Variants in LMX1B observed in about 807,000 individuals in gnomAD.
LMX1B encodes LIM homeobox transcription factor 1 beta, also known as LIM homeobox transcription factor 1-beta.
Under a neutral mutation model 51.4 loss-of-function variants are expected in LMX1B, and 12 were observed. That is an observed-to-expected ratio of 0.23 (90% CI 0.15 to 0.38). LMX1B has a LOEUF of 0.38. Among genes scored for constraint, LMX1B ranks in the 10% least tolerant of loss-of-function variants. The pLI is 1.00. For synonymous variants in LMX1B, 237 were observed against 235.4 expected, an observed-to-expected ratio of 1.01 and a Z score of -0.06; for missense variants, 445 against 571.1, an observed-to-expected ratio of 0.78 and a Z score of 2.25.
At chr9:126,662,860 C>G (rs1286217165) in intron 2 of LMX1B, among the ~76,000 whole-genome samples, 1 of 152,234 alleles carries the variant, frequency 6.6e-6, no homozygotes, top group African/African-American at 2.4e-5. Flanking sequence ...ATATAGGGAG[C>G]CTGGTGCCCT....
chr9:126,672,971 G>A (rs1028515277), intron 2 of LMX1B, among the ~76,000 whole-genome samples: 24 of 152,216 alleles, frequency 1.6e-4, no homozygotes, highest in African/African-American at 4.8e-5. Context: ...GCCTCTCGCC[G>A]CCCACCTGTG....
At chr9:126,621,020 T>C (rs1038973045) in intron 2 of LMX1B, among the ~76,000 whole-genome samples, 14 of 152,274 alleles carry the variant, frequency 9.2e-5, no homozygotes, top group Admixed American at 9.2e-4. Flanking sequence ...TCTGTGGCCT[T>C]GTGAGGTTTC....
chr9:126,677,467 A>G lies in LMX1B; in HGVS notation c.327-13369A>G, dbSNP rs923952916. Among the ~76,000 whole-genome samples, 1 of 152,212 alleles carries G rather than the reference A, an allele frequency of 6.6e-6. No homozygotes were observed. Among genetic ancestry groups the G allele is most frequent in the Non-Finnish European group, 1.5e-5 (1 of 68,044 alleles). Reference sequence around the variant, plus strand: ...AACAGGTCACTGGCTAGAAGCAGGTATCAGGCTCCCAAATCTCTGGGTCAT... The same window carrying G: ...AACAGGTCACTGGCTAGAAGCAGGTGTCAGGCTCCCAAATCTCTGGGTCAT... On this transcript the variant is annotated intron_variant, in intron 2 of 7. Transcript: ENST00000373474. The surrounding 1 kb of genome is among the most constrained non-coding windows in gnomAD (Gnocchi z 5.0).
chr9:126,661,176 C>T (rs892234218), intron 2 of LMX1B, among the ~76,000 whole-genome samples: 5 of 152,104 alleles, frequency 3.3e-5, no homozygotes, highest in Non-Finnish European at 5.9e-5. Flanking sequence ...TGACACAGGG[C>T]GACCCCTCAA....
chr9:126,652,934 G>T (rs117306147), intron 2 of LMX1B, among the ~76,000 whole-genome samples: 7 of 152,240 alleles, frequency 4.6e-5, no homozygotes, highest in Admixed American at 2.0e-4. Flanking sequence ...GCCAAGGCAC[G>T]GGCCAGATCA....
At chr9:126,666,587 T>C (rs1462424327) in intron 2 of LMX1B, among the ~76,000 whole-genome samples, 2 of 152,132 alleles carry the variant, frequency 1.3e-5, no homozygotes, top group African/African-American at 2.4e-5. Flanking sequence ...ATGCTAATAA[T>C]AACCTCACTG....
At position 126,673,344 on chromosome 9, in the gene LMX1B, C is replaced by T. The variant is rs1836494031; in HGVS notation, c.327-17492C>T. 6.6e-6 allele frequency among the ~76,000 whole-genome samples: 1 copy of T among 152,116 alleles called. No individual in the cohort carries two copies. Among genetic ancestry groups the T allele is most frequent in the African/African-American group, 2.4e-5 (1 of 41,412 alleles). ...CTCTGCGTGCTGCTGGCTGGACTTC[C>T]TGGGCGTCTGACACACCAGGCCCCA... On this transcript the variant is annotated intron_variant, in intron 2 of 7. Transcript: ENST00000373474. The surrounding 1 kb of genome is among the most constrained non-coding windows in gnomAD (Gnocchi z 4.4).
At chr9:126,617,306 T>C (rs1206201389) in intron 2 of LMX1B, among the ~76,000 whole-genome samples, 1 of 151,592 alleles carries the variant, frequency 6.6e-6, no homozygotes, top group Non-Finnish European at 1.5e-5. Context: ...TACACCCAGC[T>C]CAGCCACCAG....
At chr9:126,675,035 A>G (rs1344706675) in intron 2 of LMX1B, among the ~76,000 whole-genome samples, 1 of 152,232 alleles carries the variant, frequency 6.6e-6, no homozygotes, top group Non-Finnish European at 1.5e-5. Context: ...AGGCAGCTGT[A>G]AAATCAGGTG....
chr9:126,653,105 C>T (rs1836051383), intron 2 of LMX1B, among the ~76,000 whole-genome samples: 1 of 150,922 alleles, frequency 6.6e-6, no homozygotes, highest in Admixed American at 6.6e-5. Flanking sequence ...AACCCAAACC[C>T]ATTCCCCTCT....
chr9:126,614,710 G>A (rs2118820302), intron 1 of LMX1B, 122 bp downstream of exon 1: 1 of 1,116,482 alleles, frequency 9.0e-7, no homozygotes, highest in Non-Finnish European at 1.2e-6. Context: ...TGGGGAGGAG[G>A]CAGAGACAGG....
In LMX1B at chr9:126,641,333, A is replaced by G. The variant is rs751649574; in HGVS notation, c.326+25764A>G. The G allele has an allele frequency of 1.3e-5, 2 of 152,238 alleles. No homozygotes were observed. Among genetic ancestry groups the G allele is most frequent in the Non-Finnish European group, 2.9e-5 (2 of 68,050 alleles). 9.4% of individuals were successfully genotyped at this position (152,238 alleles called of 1,614,324 possible). A position where few individuals can be genotyped will look rare whatever the true frequency, so the allele number is the denominator to read the frequency against. On this transcript the variant is annotated intron_variant, in intron 2 of 7. Coordinates refer to ENST00000373474, the MANE Select transcript of LMX1B (RefSeq NM_001174147.2). The surrounding 1 kb of genome is among the most constrained non-coding windows in gnomAD (Gnocchi z 4.1). ...TGAGCACTGTACTAAGTGCCTTGCA[A>G]CCATCATCTCTCTGCATCCTCAGGA... is the stretch of plus-strand genomic sequence containing the variant.
At chr9:126,639,745 G>A (rs1564151754) in intron 2 of LMX1B, among the ~76,000 whole-genome samples, 1 of 152,202 alleles carries the variant, frequency 6.6e-6, no homozygotes, top group Non-Finnish European at 1.5e-5. Context: ...AGAGGCCCAG[G>A]ATAGTCAAAT....
At chr9:126,676,772 G>A (rs1458563535) in intron 2 of LMX1B, among the ~76,000 whole-genome samples, 1 of 152,184 alleles carries the variant, frequency 6.6e-6, no homozygotes, top group Non-Finnish European at 1.5e-5. Flanking sequence ...GGTGGGGTCC[G>A]CAGATCCCCA....
intron 2 of LMX1B, among the ~76,000 whole-genome samples, chr9:126,665,147 G>A (rs1755215417): frequency 6.6e-6 from 1 of 152,228 alleles, no homozygotes; most frequent in Non-Finnish European, 1.5e-5. Context: ...TGGAGGTGGG[G>A]TGTTCCTCCA....
At chr9:126,653,697 C>T (rs1836062558) in intron 2 of LMX1B, among the ~76,000 whole-genome samples, 1 of 152,116 alleles carries the variant, frequency 6.6e-6, no homozygotes, top group Non-Finnish European at 1.5e-5. Context: ...CCGGATCTGC[C>T]CCCACAGGAT....
chr9:126,646,156 C>G (rs2118891989), intron 2 of LMX1B, among the ~76,000 whole-genome samples: 1 of 152,300 alleles, frequency 6.6e-6, no homozygotes, highest in African/African-American at 2.4e-5. Flanking sequence ...TTCCTCCTCT[C>G]AGAAAACCTG....
chr9:126,626,803 T>C lies in LMX1B; in HGVS notation c.326+11234T>C, dbSNP rs1232716497. ...CCACCCCCAGCCCCGCGGCGGTGAT[T>C]TGTGTGCGGGGGTCTGTGACCCTGC... On this transcript the variant is annotated intron_variant, in intron 2 of 7. Coordinates refer to ENST00000373474, the MANE Select transcript of LMX1B (RefSeq NM_001174147.2). This position sits in a 1 kb window ranked among gnomAD's most constrained non-coding sequence, Gnocchi z 4.3. 6.6e-6 allele frequency among the ~76,000 whole-genome samples: 1 copy of C among 151,988 alleles called. No individual in the cohort carries two copies. The highest frequency in any genetic ancestry group is 1.5e-5 in the Non-Finnish European group (1 of 67,972).
At chr9:126,638,625 C>T (rs1260067426) in intron 2 of LMX1B, among the ~76,000 whole-genome samples, 1 of 152,208 alleles carries the variant, frequency 6.6e-6, no homozygotes, top group Non-Finnish European at 1.5e-5. Context: ...GTTCTCGGCT[C>T]TCGGGGGAGA....
Sources: gnomAD v4.1 joint callset for allele counts (sites outside exome capture counted in the v4.1 genomes callset) on GRCh38, gnomAD v4.1.1 for gene constraint, Gnocchi (gnomAD v3.1) non-coding constraint, MANE v1.5 for transcripts, NCBI Gene and HGNC (gene_info 2026-07-23, HGNC 2026-07-21) for gene names.